RBFOX3: variants seen among roughly 807,000 people sequenced by gnomAD.
RBFOX3 encodes RNA binding protein fox-1 homolog 3.
A neutral mutation model predicts 48.7 loss-of-function variants in RBFOX3; 17 were observed. The ratio of observed to expected loss-of-function variants is 0.35; its 90% CI spans 0.24 to 0.52. The LOEUF (loss-of-function observed/expected upper bound fraction) is 0.52. Among genes scored for constraint, RBFOX3 ranks in the 20% least tolerant of loss-of-function variants. RBFOX3 has a pLI of 0.94. For missense variants in RBFOX3, 382 were observed against 497.5 expected (o/e 0.77, Z 2.21); for synonymous variants, 212 against 209.5 (o/e 1.01, Z -0.10).
chr17:79,504,389 C>T (rs1404473767), intron 1 of RBFOX3, among the ~76,000 whole-genome samples: 8 of 152,226 alleles, frequency 5.3e-5, no homozygotes, highest in Admixed American at 1.3e-4. Context: ...TAGTTTCCTC[C>T]TGTTCCTGCA....
chr17:79,432,947 C>T (rs1440887205), intron 2 of RBFOX3, among the ~76,000 whole-genome samples: 4 of 152,144 alleles, frequency 2.6e-5, no homozygotes, highest in African/African-American at 7.2e-5. Context: ...GTTTAGAATC[C>T]GGTCGCTCTC....
At chr17:79,358,660 C>T (rs548944841) in intron 2 of RBFOX3, among the ~76,000 whole-genome samples, 153 of 151,610 alleles carry the variant, frequency 1.0e-3, no homozygotes, top group Non-Finnish European at 1.8e-3. Context: ...GGGGTTTCAC[C>T]ATGTTGGCCA....
intron 2 of RBFOX3, among the ~76,000 whole-genome samples, chr17:79,356,379 T>TTTGTTTTTG (rs2085119897): frequency 9.3e-6 from 1 of 107,094 alleles, no homozygotes; most frequent in Non-Finnish European, 1.8e-5. Context: ...TTTTTTTTTT[T>TTTGTTTTTG]TTTTTTTGAG....
chr17:79,283,181 C>G (rs1025155322), intron 3 of RBFOX3, among the ~76,000 whole-genome samples: 1 of 151,832 alleles, frequency 6.6e-6, no homozygotes, highest in Non-Finnish European at 1.5e-5. Context: ...TTGCTTCCTT[C>G]GTGGTTTCGT....
chr17:79,328,682 C>A (rs948777348), intron 2 of RBFOX3, among the ~76,000 whole-genome samples: 1 of 152,136 alleles, frequency 6.6e-6, no homozygotes, highest in Non-Finnish European at 1.5e-5. Flanking sequence ...GCTTTGAGAC[C>A]CAAGCAAACT....
At chr17:79,442,708 G>A (rs2071396238) in intron 2 of RBFOX3, among the ~76,000 whole-genome samples, 2 of 151,834 alleles carry the variant, frequency 1.3e-5, no homozygotes, top group East Asian at 2.0e-4. Flanking sequence ...TGGGGCTGCC[G>A]TAACTATTAA....
rs1205206638 is a variant in RBFOX3, at chr17:79,423,359, C to T, written c.-175+59095G>A. Among the ~76,000 whole-genome samples the T allele has an allele frequency of 6.6e-6, 1 of 152,148 alleles. No individual in the cohort carries two copies. Among genetic ancestry groups the T allele is most frequent in the Non-Finnish European group, 1.5e-5 (1 of 68,020 alleles). ...TCTGCTTTCAATGCTTGTGCAGATC[C>T]TGCCGCACAGACCCCAACCCTACCT... On this transcript the variant is annotated intron_variant, in intron 2 of 14. Transcript: ENST00000693108. This position sits in a 1 kb window ranked among gnomAD's most constrained non-coding sequence, Gnocchi z 4.9.
At chr17:79,416,840 G>A (rs1443971279) in intron 2 of RBFOX3, among the ~76,000 whole-genome samples, 1 of 152,250 alleles carries the variant, frequency 6.6e-6, no homozygotes, top group Non-Finnish European at 1.5e-5. Context: ...AAAGTCTGCA[G>A]GGCAAACTGT....
chr17:79,489,725 T>C (rs2080211174), intron 1 of RBFOX3, among the ~76,000 whole-genome samples: 1 of 152,228 alleles, frequency 6.6e-6, no homozygotes, highest in Non-Finnish European at 1.5e-5. Flanking sequence ...CAAGGCACTG[T>C]TCTCTTTCCT....
At chr17:79,336,709 G>T (rs936178448) in intron 2 of RBFOX3, among the ~76,000 whole-genome samples, 2 of 152,192 alleles carry the variant, frequency 1.3e-5, no homozygotes, top group African/African-American at 4.8e-5. Context: ...ATCACAACAG[G>T]GGGGTGGCTC....
intron 5 of RBFOX3, among the ~76,000 whole-genome samples, chr17:79,109,077 C>T (rs541753623): frequency 1.3e-5 from 2 of 152,370 alleles, no homozygotes; most frequent in East Asian, 1.9e-4. Flanking sequence ...GTCCCAATTC[C>T]GACAAGCATG....
rs147034215 is a variant in RBFOX3 at position 79,414,480 on chromosome 17, C to T, written c.-175+67974G>A. Among the ~76,000 whole-genome samples, 534 of 152,298 alleles carry T rather than the reference C, an allele frequency of 3.5e-3. 2 individuals are homozygous for T. The highest frequency in any genetic ancestry group is 6.3e-3 in the Non-Finnish European group (426 of 68,012). ...ATTTCCATATGCAAATGCGGCGGGA[C>T]GGTGCCCCGTGTGTCCAGGCCCCAG... is the stretch of plus-strand genomic sequence containing the variant. On this transcript the variant is annotated intron_variant, in intron 2 of 14. Coordinates refer to ENST00000693108, the MANE Select transcript of RBFOX3 (RefSeq NM_001350451.2).
At chr17:79,283,259 CCTTTT>C (rs1263184054) in intron 3 of RBFOX3, among the ~76,000 whole-genome samples, 12 of 130,906 alleles carry the variant, frequency 9.2e-5, no homozygotes, top group African/African-American at 3.2e-4. Context: ...TTCCTATGTT[CCTTTT>C]CTTTTTTTTT....
chr17:79,415,157 C>T (rs987506456), intron 2 of RBFOX3, among the ~76,000 whole-genome samples: 24 of 152,304 alleles, frequency 1.6e-4, no homozygotes, highest in African/African-American at 5.3e-4. Context: ...CTGCCCGGTG[C>T]CACCTACGAG....
chr17:79,616,571 C>T, the RBFOX3 span, among the ~76,000 whole-genome samples: 14 of 84,860 alleles, frequency 1.6e-4, no homozygotes, highest in Non-Finnish European at 3.5e-4. Flanking sequence ...CTCTCTGTCT[C>T]TCTCTATACA....
chr17:79,101,326 A>G (rs1442332763), intron 9 of RBFOX3, among the ~76,000 whole-genome samples: 1 of 152,188 alleles, frequency 6.6e-6, no homozygotes, highest in Non-Finnish European at 1.5e-5. Context: ...GGGGCCAGGC[A>G]CGCCTGGGAA....
At chr17:79,225,265 C>T (rs2147562825) in intron 4 of RBFOX3, among the ~76,000 whole-genome samples, 1 of 151,380 alleles carries the variant, frequency 6.6e-6, no homozygotes, top group Admixed American at 6.6e-5. Context: ...GTCCCCTCCC[C>T]AGCACTGCTG....
intron 2 of RBFOX3, among the ~76,000 whole-genome samples, chr17:79,366,919 C>A (rs1339352648): frequency 6.6e-6 from 1 of 152,208 alleles, no homozygotes; most frequent in Non-Finnish European, 1.5e-5. Context: ...TCAGAGAGAG[C>A]CACCTCGCCC....
chr17:79,564,563 A>G (rs2092384147), intron 1 of RBFOX3, among the ~76,000 whole-genome samples: 1 of 152,218 alleles, frequency 6.6e-6, no homozygotes, highest in Non-Finnish European at 1.5e-5. Flanking sequence ...ACTTCTAGGA[A>G]TTGATCCTAC....
Sources: allele counts gnomAD v4.1 joint callset (sites outside exome capture counted in the v4.1 genomes callset), GRCh38; gene constraint gnomAD v4.1.1; non-coding constraint Gnocchi (gnomAD v3.1); transcripts MANE v1.5; gene names NCBI Gene and HGNC (gene_info 2026-07-23, HGNC 2026-07-21).